LRGUK: variants seen among roughly 807,000 people sequenced by gnomAD.
LRGUK encodes leucine rich repeats and guanylate kinase domain containing, also known as leucine-rich repeat and guanylate kinase domain-containing protein.
LRGUK carries 65 observed loss-of-function variants against 76.0 expected under a neutral mutation model. The ratio of observed to expected loss-of-function variants is 0.85; its 90% confidence interval spans 0.70 to 1.05. The LOEUF (loss-of-function observed/expected upper bound fraction) is 1.05. Among genes scored for constraint, LRGUK ranks in the 50% least tolerant of loss-of-function variants. LRGUK has a pLI of 0.00. For synonymous variants in LRGUK, 268 were observed against 265.6 expected (o/e 1.01, Z -0.09); for missense variants, 758 against 732.8 (o/e 1.03, Z -0.40).
chr7:134,197,059 G>A (rs764479779), exon 13 of LRGUK: 1 of 1,612,380 alleles, frequency 6.2e-7, no homozygotes, highest in South Asian at 1.1e-5. Context: ...ACCGTAGAAG[G>A]TATCGCAAGA....
At chr7:134,142,188 G>A (rs1020832337) in intron 3 of LRGUK, among the ~76,000 whole-genome samples, 1 of 152,148 alleles carries the variant, frequency 6.6e-6, no homozygotes, top group African/African-American at 2.4e-5. Context: ...CTATGATCTA[G>A]AATCTAGAAC....
intron 16 of LRGUK, among the ~76,000 whole-genome samples, chr7:134,229,073 T>C (rs1176934600): frequency 6.6e-6 from 1 of 152,160 alleles, no homozygotes; most frequent in Non-Finnish European, 1.5e-5. Context: ...ATATATTTAG[T>C]TTTTTAAAAA....
chr7:134,249,006 G>T lies in LRGUK; in HGVS notation c.2128G>T (p.Glu710Ter), dbSNP rs762675362. Reference sequence around the variant, plus strand: ...TCTACACTATTATACAACTTTAGAAGAACTCTGGAAAAGTTTTGATCTTTG... The same window carrying T: ...TCTACACTATTATACAACTTTAGAATAACTCTGGAAAAGTTTTGATCTTTG... The change falls in exon 18 of 20, where the codon GAA becomes TAA. Residue 710 changes from glutamate to a stop codon, truncating the protein, a stop_gained. Coordinates refer to the LRGUK transcript ENST00000285928. LOFTEE classifies it high-confidence loss of function. The T allele has an allele frequency of 1.0e-5, 16 of 1,602,228 alleles. No homozygotes were observed. The highest frequency in any genetic ancestry group is 7.9e-5 in the South Asian group (7 of 88,894).
rs780932434 is a variant in LRGUK at position 134,221,949 on chromosome 7, A to G, written c.1983+31A>G. ...AGAGGAATAGAAGGGGTGAAGCCAC[A>G]ACTGAGCTCTATACAATGTCAGACA... On this transcript the variant is annotated intron_variant, in intron 16 of 19. Transcript: ENST00000285928. The G allele has an allele frequency of 2.7e-5, 42 of 1,554,876 alleles. No individual in the cohort carries two copies. In the East Asian group the frequency reaches 9.9e-4, roughly 37 times the overall value.
intron 15 of LRGUK, among the ~76,000 whole-genome samples, chr7:134,208,436 T>A (rs1241526676): frequency 6.6e-6 from 1 of 152,242 alleles, no homozygotes; most frequent in African/African-American, 2.4e-5. Context: ...ATTTTGGTTC[T>A]ATGAATAAGA....
intron 18 of LRGUK, among the ~76,000 whole-genome samples, chr7:134,251,347 C>G (rs1161375314): frequency 6.6e-6 from 1 of 152,082 alleles, no homozygotes; most frequent in Non-Finnish European, 1.5e-5. Context: ...ACAAGGAGCA[C>G]CAAAGCTTGC....
At chr7:134,152,231 T>C (rs982034071) in intron 5 of LRGUK, among the ~76,000 whole-genome samples, 1 of 152,014 alleles carries the variant, frequency 6.6e-6, no homozygotes, top group African/African-American at 2.4e-5. Flanking sequence ...TGCATTTCTG[T>C]ATGCCAGAAA....
At chr7:134,172,617 A>G (rs1260352486) in intron 7 of LRGUK, among the ~76,000 whole-genome samples, 1 of 152,234 alleles carries the variant, frequency 6.6e-6, no homozygotes, top group East Asian at 1.9e-4. Context: ...GCACATGGCC[A>G]CAACTTGTTG....
At chr7:134,157,872 T>A (rs1800719595) in intron 5 of LRGUK, among the ~76,000 whole-genome samples, 163 bp from the exon 6 acceptor site, 1 of 152,226 alleles carries the variant, frequency 6.6e-6, no homozygotes, top group African/African-American at 2.4e-5. Flanking sequence ...ATGTTCTGTA[T>A]GAAAAAATAT....
intron 1 of LRGUK, among the ~76,000 whole-genome samples, chr7:134,130,278 C>T (rs968706191): frequency 6.6e-6 from 1 of 151,944 alleles, no homozygotes; most frequent in Non-Finnish European, 1.5e-5. Context: ...TGTATGGTTT[C>T]CACCAGCTTC....
downstream of LRGUK, among the ~76,000 whole-genome samples, chr7:134,266,526 C>T (rs1802858910): frequency 6.6e-6 from 1 of 152,010 alleles, no homozygotes; most frequent in Admixed American, 6.5e-5. Flanking sequence ...ATTGGATGGG[C>T]ACAAGAGTGA....
chr7:134,203,511 C>G (rs1279321391), intron 15 of LRGUK, among the ~76,000 whole-genome samples: 1 of 152,104 alleles, frequency 6.6e-6, no homozygotes, highest in Non-Finnish European at 1.5e-5. Flanking sequence ...GGTTGAGGGC[C>G]CCTGGTATTT....
At chr7:134,130,824 G>A (rs1324361680) in intron 1 of LRGUK, among the ~76,000 whole-genome samples, 1 of 152,198 alleles carries the variant, frequency 6.6e-6, no homozygotes, top group East Asian at 1.9e-4. Flanking sequence ...ATTTGTGTTT[G>A]AGGCTTGATT....
At chr7:134,270,366 C>T in the LRGUK span, among the ~76,000 whole-genome samples, 1 of 152,094 alleles carries the variant, frequency 6.6e-6, no homozygotes, top group African/African-American at 2.4e-5. Context: ...AGGCACAAGA[C>T]TTATATCTTA....
the LRGUK span, among the ~76,000 whole-genome samples, chr7:134,270,395 A>G: frequency 6.6e-6 from 1 of 152,168 alleles, no homozygotes; most frequent in Admixed American, 6.5e-5. Context: ...AAAGAATAAT[A>G]TAATAAAACT....
intron 10 of LRGUK, among the ~76,000 whole-genome samples, chr7:134,179,790 G>A (rs1799658549): frequency 6.6e-6 from 1 of 152,206 alleles, no homozygotes; most frequent in African/African-American, 2.4e-5. Flanking sequence ...ATGTTCCAGG[G>A]TGGAGTGGCA....
At chr7:134,196,035 G>C (rs1459651637) in intron 12 of LRGUK, among the ~76,000 whole-genome samples, 1 of 152,070 alleles carries the variant, frequency 6.6e-6, no homozygotes, top group Non-Finnish European at 1.5e-5. Flanking sequence ...CCAAGACACA[G>C]GGTAGCAATA....
At chr7:134,201,424 A>G in intron 14 of LRGUK, 57 bp from the exon 15 acceptor site, 1 of 1,281,730 alleles carries the variant, frequency 7.8e-7, no homozygotes, top group Non-Finnish European at 1.1e-6. Flanking sequence ...CGATAGTTGA[A>G]CATCAACTGT....
chr7:134,200,334 G>T (rs1800716598), intron 14 of LRGUK, among the ~76,000 whole-genome samples: 1 of 151,768 alleles, frequency 6.6e-6, no homozygotes, highest in Non-Finnish European at 1.5e-5. Flanking sequence ...ACCGCACCTG[G>T]CAAATTTCTA....
Sources: allele counts gnomAD v4.1 joint callset (sites outside exome capture counted in the v4.1 genomes callset), GRCh38; gene constraint gnomAD v4.1.1; transcripts MANE v1.5; gene names NCBI Gene and HGNC (gene_info 2026-07-23, HGNC 2026-07-21).